The following LRRTM4 variants were observed in gnomAD, a reference collection of about 807,000 sequenced individuals.
LRRTM4 encodes the protein leucine rich repeat transmembrane neuronal 4, also known as leucine-rich repeat transmembrane neuronal protein 4.
Under a neutral mutation model 47.6 loss-of-function variants are expected in LRRTM4, and 25 were observed. The ratio of observed to expected loss-of-function variants is 0.53; its 90% CI spans 0.38 to 0.73. The LOEUF is 0.73. LRRTM4 is among the 30% of genes least tolerant of loss of function. LRRTM4 has a pLI of 0.00. For synonymous variants in LRRTM4, 311 were observed against 269.5 expected, an observed-to-expected ratio of 1.15 and a Z score of -1.51; for missense variants, 638 against 713.4, an observed-to-expected ratio of 0.89 and a Z score of 1.20.
intron 3 of LRRTM4, among the ~76,000 whole-genome samples, chr2:77,497,748 A>C (rs1678419392): frequency 1.3e-5 from 2 of 151,108 alleles, no homozygotes; most frequent in African/African-American, 4.8e-5. Context: ...ATATCCAAAA[A>C]TCATACCACA....
chr2:76,856,396 T>C (rs904972481), intron 3 of LRRTM4, among the ~76,000 whole-genome samples: 1 of 152,188 alleles, frequency 6.6e-6, no homozygotes, highest in African/African-American at 2.4e-5. Context: ...ATGGTTGAAG[T>C]GCCTGTTAAG....
intron 3 of LRRTM4, among the ~76,000 whole-genome samples, chr2:77,070,373 T>G (rs768140389): frequency 6.6e-6 from 1 of 152,158 alleles, no homozygotes; most frequent in African/African-American, 2.4e-5. Flanking sequence ...TTTTCAGAAG[T>G]CCTTTCTCTG....
At chr2:77,298,393 C>T (rs531225812) in intron 3 of LRRTM4, among the ~76,000 whole-genome samples, 199 of 152,218 alleles carry the variant, frequency 1.3e-3, no homozygotes, top group Non-Finnish European at 2.4e-3. Flanking sequence ...CCCGCCACCA[C>T]GCCCGGCTAA....
intron 3 of LRRTM4, among the ~76,000 whole-genome samples, chr2:76,986,597 A>T (rs1231019240): frequency 1.3e-5 from 2 of 151,958 alleles, no homozygotes; most frequent in East Asian, 1.9e-4. Flanking sequence ...CTTGCTACTG[A>T]AATCTCAGAA....
chr2:77,238,946 C>T (rs1373267322), intron 3 of LRRTM4, among the ~76,000 whole-genome samples: 2 of 151,796 alleles, frequency 1.3e-5, no homozygotes, highest in African/African-American at 4.8e-5. Flanking sequence ...GTAAGAAATG[C>T]TAAAGGACAT....
intron 3 of LRRTM4, among the ~76,000 whole-genome samples, chr2:76,880,167 T>G (rs753387125): frequency 2.6e-5 from 4 of 152,204 alleles, no homozygotes; most frequent in Admixed American, 6.5e-5. Flanking sequence ...GACCCCAGTT[T>G]TGAAAGAAAT....
At chr2:77,166,488 G>T (rs560354631) in intron 3 of LRRTM4, among the ~76,000 whole-genome samples, 2 of 152,120 alleles carry the variant, frequency 1.3e-5, no homozygotes, top group South Asian at 2.1e-4. Context: ...AAAAGAGCCC[G>T]CATTGCCAAG....
intron 3 of LRRTM4, among the ~76,000 whole-genome samples, chr2:77,433,642 A>G (rs1675473641): frequency 6.6e-6 from 1 of 152,180 alleles, no homozygotes; most frequent in African/African-American, 2.4e-5. Context: ...TTGCCATAAG[A>G]CCTTAGGCCA....
chr2:76,971,008 A>C (rs966601935), intron 3 of LRRTM4, among the ~76,000 whole-genome samples: 1 of 152,092 alleles, frequency 6.6e-6, no homozygotes, highest in Non-Finnish European at 1.5e-5. Flanking sequence ...AGGACAAAAA[A>C]TAACATTCAA....
intron 3 of LRRTM4, among the ~76,000 whole-genome samples, chr2:77,108,758 T>C (rs2103929068): frequency 6.6e-6 from 1 of 151,998 alleles, no homozygotes; most frequent in South Asian, 2.1e-4. Context: ...TAATTTTTTG[T>C]ATTTTTAGTA....
At chr2:76,979,042 T>A (rs1427891019) in intron 3 of LRRTM4, among the ~76,000 whole-genome samples, 1 of 152,008 alleles carries the variant, frequency 6.6e-6, no homozygotes, top group Non-Finnish European at 1.5e-5. Context: ...TTTTCCACCA[T>A]CAGAAAAGTA....
rs151160569 is a variant in LRRTM4 at position 77,150,053 on chromosome 2, T to A, written c.1551+368265A>T. On this transcript the variant is annotated intron_variant, in intron 3 of 3. Transcript: ENST00000409884. ...CTGTTTCTAGCTGACTCTTGGAAGT[T>A]ATCTATTTAGTAAAGAATAGAAGAG... Among the ~76,000 whole-genome samples, 1,139 of 152,264 alleles carry A rather than the reference T, an allele frequency of 7.5e-3. 20 individuals are homozygous for A. Among genetic ancestry groups the A allele is most frequent in the African/African-American group, 0.025 (1,032 of 41,532 alleles).
chr2:77,321,729 T>A (rs1677799366), intron 3 of LRRTM4, among the ~76,000 whole-genome samples: 1 of 151,994 alleles, frequency 6.6e-6, no homozygotes, highest in South Asian at 2.1e-4. Context: ...AGGAAAGGAG[T>A]GATGATTTTT....
chr2:76,973,871 G>C (rs1676306504), intron 3 of LRRTM4, among the ~76,000 whole-genome samples: 1 of 151,732 alleles, frequency 6.6e-6, no homozygotes, highest in Admixed American at 6.6e-5. Flanking sequence ...CTGAGATTAT[G>C]TGTCATGGGA....
chr2:76,836,545 GTAATAA>G (rs1216440197), intron 3 of LRRTM4, among the ~76,000 whole-genome samples: 1 of 151,578 alleles, frequency 6.6e-6, no homozygotes. Context: ...TGTAAAGGCA[GTAATAA>G]TAATATTGAT....
chr2:77,409,078 C>T (rs768735288), intron 3 of LRRTM4, among the ~76,000 whole-genome samples: 17 of 151,988 alleles, frequency 1.1e-4, no homozygotes, highest in East Asian at 1.9e-4. Flanking sequence ...CTGCTAAATG[C>T]GATTTTCATC....
rs1215921468 is a variant in LRRTM4, at chr2:77,371,967, T to C, written c.1551+146351A>G. 3.3e-5 allele frequency among the ~76,000 whole-genome samples: 5 copies of C among 151,748 alleles called. No homozygotes were observed. The South Asian group carries it at 8.3e-4, about 25-fold the overall frequency. ...TAAGAAACAGAGGACTTCATTCCCA[T>C]GAAACAAGACACATGAAGTTTATGT... On this transcript the variant is annotated intron_variant, in intron 3 of 3. Transcript: ENST00000409884.
chr2:77,179,100 C>T (rs1238639787), intron 3 of LRRTM4, among the ~76,000 whole-genome samples: 3 of 152,140 alleles, frequency 2.0e-5, no homozygotes, highest in South Asian at 2.1e-4. Flanking sequence ...GTTTTTAAAA[C>T]TCAGTTATGG....
Position 77,256,048 on chromosome 2 carries a change from G to C in LRRTM4, c.1551+262270C>G, listed in dbSNP as rs553937939. Among the ~76,000 whole-genome samples the C allele has an allele frequency of 2.6e-5, 4 of 152,028 alleles. No homozygotes were observed. The East Asian group carries it at 7.8e-4, about 29-fold the overall frequency. On this transcript the variant is annotated intron_variant, in intron 3 of 3. Coordinates refer to ENST00000409884, the MANE Select transcript of LRRTM4 (RefSeq NM_001134745.3). ...TTAACAGCCGAGAGAGACAGAGAGAGAACAAAGGAGGAAAAACACCAATGT... is the reference window on the plus strand; with the variant it reads ...TTAACAGCCGAGAGAGACAGAGAGACAACAAAGGAGGAAAAACACCAATGT...
Sources: gnomAD v4.1 joint callset for allele counts (sites outside exome capture counted in the v4.1 genomes callset) on GRCh38, gnomAD v4.1.1 for gene constraint, MANE v1.5 for transcripts, NCBI Gene and HGNC (gene_info 2026-07-23, HGNC 2026-07-21) for gene names.